Variants in ATXN2L observed in about 807,000 individuals in gnomAD.
ATXN2L encodes ataxin-2-like protein.
ATXN2L carries 24 observed loss-of-function variants against 120.7 expected under a neutral mutation model. The observed-to-expected ratio is 0.20, with a 90% confidence interval of 0.14 to 0.28. The LOEUF (loss-of-function observed/expected upper bound fraction) is 0.28. Ranked by LOEUF, ATXN2L falls within the 10% of genes least tolerant of loss-of-function variation. The pLI is 1.00. For missense variants in ATXN2L, 1,312 were observed against 1,432.3 expected, an observed-to-expected ratio of 0.92 and a Z score of 1.36; for synonymous variants, 653 against 568.1, an observed-to-expected ratio of 1.15 and a Z score of -2.13.
rs1959256986 is a variant in ATXN2L at position 28,834,590 on chromosome 16, C to A, written c.2330C>A (p.Pro777His). 2.5e-6 allele frequency: 4 copies of A among 1,613,568 alleles called. No homozygotes were observed. Among genetic ancestry groups the A allele is most frequent in the Non-Finnish European group, 3.4e-6 (4 of 1,179,942 alleles). The change falls in exon 18 of 22, where the codon CCT becomes CAT. Residue 777 changes from proline (P) to histidine (H), a missense_variant. Physicochemically the swap from Pro to His is moderately conservative, Grantham distance 77. Coordinates refer to ENST00000336783, the MANE Select transcript of ATXN2L (RefSeq NM_007245.4). ...MMQAAAAAGP[P>H]LVAATPYSSY... The stretch of plus-strand genomic sequence containing the variant: ...CAGGCCGCCGCGGCTGCTGGCCCGC[C>A]TCTGGTGGCTGCCACGCCCTATTCT...
At chr16:28,827,900 G>A (rs533200398) in intron 6 of ATXN2L, among the ~76,000 whole-genome samples, 9 of 152,258 alleles carry the variant, frequency 5.9e-5, no homozygotes, top group South Asian at 2.1e-4. Flanking sequence ...GCATCATAGC[G>A]AGACTATCTG....
At position 28,834,571 on chromosome 16, in the gene ATXN2L, G is replaced by T; in HGVS notation, c.2311G>T (p.Ala771Ser). 1.2e-6 allele frequency: 2 copies of T among 1,612,580 alleles called. No individual in the cohort carries two copies. The highest frequency in any genetic ancestry group is 1.7e-6 in the Non-Finnish European group (2 of 1,179,830). Reference sequence around the variant, plus strand: ...CTCAGCCCCGCCGATGATGCAGGCCGCCGCGGCTGCTGGCCCGCCTCTGGT... The same window carrying T: ...CTCAGCCCCGCCGATGATGCAGGCCTCCGCGGCTGCTGGCCCGCCTCTGGT... The part of the protein sequence containing the change: ...PASAPPMMQA[A>S]AAAGPPLVAA... The change falls in exon 18 of 22, where the codon GCC (alanine) becomes TCC (serine). Residue 771 changes from alanine to serine, a missense_variant. Transcript: ENST00000336783.
rs142953622 is a variant in ATXN2L, at chr16:28,826,267, C to G, written c.493C>G (p.Arg165Gly). 1 of 1,614,114 alleles carries G rather than the reference C, an allele frequency of 6.2e-7. No homozygotes were observed. Among genetic ancestry groups the G allele is most frequent in the Non-Finnish European group, 8.5e-7 (1 of 1,180,006 alleles). The part of the protein sequence containing the change: ...KFELAVDAVH[R>G]KASEPAGGPR... ...TGAACTAGCCGTGGATGCTGTGCAC[C>G]GGAAAGCATCTGAGCCAGCAGGTGG... Residue 165 changes from arginine (R) to glycine (G), a missense_variant, in exon 5 of 22, where the codon CGG becomes GGG. Coordinates refer to ENST00000336783, the MANE Select transcript of ATXN2L (RefSeq NM_007245.4).
chr16:28,824,718 C>CA, intron 1 of ATXN2L: 4 of 570,552 alleles, frequency 7.0e-6, no homozygotes, highest in Non-Finnish European at 1.0e-5. Context: ...TTTGCCCTCA[C>CA]AGCTGGCGTG....
intron 6 of ATXN2L, among the ~76,000 whole-genome samples, chr16:28,827,660 G>A (rs2151976861): frequency 6.6e-6 from 1 of 152,294 alleles, no homozygotes; most frequent in East Asian, 1.9e-4. Flanking sequence ...CCGATCACTT[G>A]AGCCCAGGAG....
intron 13 of ATXN2L, 30 bp from the exon 14 acceptor site, chr16:28,833,029 G>T (rs762726281): frequency 6.2e-6 from 10 of 1,609,670 alleles, no homozygotes; most frequent in Middle Eastern, 1.6e-4. Context: ...GTCTGGGTCA[G>T]ACTGGACTGT....
rs777965315 is a variant in ATXN2L, at chr16:28,832,252, C to T, written c.1369C>T (p.Pro457Ser). The change falls in exon 11 of 22, where the codon CCA (proline) becomes TCA (serine). Residue 457 changes from proline (P) to serine (S), a missense_variant. Pro to Ser is a moderately conservative substitution (Grantham distance 74). Coordinates refer to ENST00000336783, the MANE Select transcript of ATXN2L (RefSeq NM_007245.4). ...PRSPKSAAPA[P>S]ISASCPEPPI... is the part of the protein sequence containing the mutation. ...TTCTCCCAAGTCTGCTGCCCCTGCCCCAATCTCAGCTTCCTGTCCAGAGCC... is the reference window on the plus strand; with the variant it reads ...TTCTCCCAAGTCTGCTGCCCCTGCCTCAATCTCAGCTTCCTGTCCAGAGCC... 3 of 1,614,050 alleles carry T rather than the reference C, an allele frequency of 1.9e-6. No individual in the cohort carries two copies. Among genetic ancestry groups the T allele is most frequent in the East Asian group, 2.2e-5 (1 of 44,898 alleles).
At position 28,835,465 on chromosome 16, in the gene ATXN2L, G is replaced by GCT. The variant is rs1960144553; in HGVS notation, c.2685+67_2685+68dup. On this transcript the variant is annotated intron_variant, in intron 20 of 21. Coordinates refer to ENST00000336783, the MANE Select transcript of ATXN2L (RefSeq NM_007245.4). ...ATGGGTGGCCAGAAGAAGGGATAGA[G>GCT]CTAGGGGTCATTTCTGAGTGGCGAG... is the stretch of plus-strand genomic sequence containing the variant. 8 of 1,611,148 alleles carry GCT rather than the reference G, an allele frequency of 5.0e-6. No homozygotes were observed. In the South Asian group the frequency reaches 8.8e-5, roughly 18 times the overall value.
chr16:28,828,070 CGT>C (rs1192388142), intron 6 of ATXN2L, among the ~76,000 whole-genome samples: 11 of 152,280 alleles, frequency 7.2e-5, no homozygotes, highest in East Asian at 1.9e-4. Context: ...TACACACACA[CGT>C]GTACACAGCA....
intron 10 of ATXN2L, among the ~76,000 whole-genome samples, chr16:28,831,432 A>C (rs1178248405): frequency 6.6e-6 from 1 of 152,098 alleles, no homozygotes; most frequent in Non-Finnish European, 1.5e-5. Flanking sequence ...GATTCAAGCC[A>C]TTCTCCTGTC....
rs773548614 is a variant in ATXN2L at position 28,833,151 on chromosome 16, T to C, written c.1752T>C (p.Asp584=). ...EEPKGKEKEV[D]GLLTSEPMGS... ...CCAAAGGAAAGGAGAAAGAGGTTGA[T>C]GGTCTGTTGACTTCAGAGCCCATGG... Residue 584 remains aspartate, a synonymous_variant, in exon 14 of 22, where the codon GAT becomes GAC. Coordinates refer to ENST00000336783, the MANE Select transcript of ATXN2L (RefSeq NM_007245.4). 6.2e-7 allele frequency: 1 copy of C among 1,614,192 alleles called. No homozygotes were observed. The highest frequency in any genetic ancestry group is 8.5e-7 in the Non-Finnish European group (1 of 1,180,028).
At chr16:28,823,993 T>G in intron 1 of ATXN2L, 9 of 575,414 alleles carry the variant, frequency 1.6e-5, no homozygotes, top group Non-Finnish European at 2.0e-5. Context: ...CGGCCCACAG[T>G]TTGGCCAATG....
At position 28,834,394 on chromosome 16, in the gene ATXN2L, G is replaced by A. The variant is rs767907429; in HGVS notation, c.2224G>A (p.Gly742Ser). ...ATCCAATTCAGTGCCTGGGCAGCAG[G>A]GCAAGTACCGGGGAGCAAAAGGTGA... ...PVSNSVPGQQ[G>S]KYRGAKGSLP... Residue 742 changes from glycine (G) to serine (S), a missense_variant, in exon 17 of 22, where the codon GGC (glycine) becomes AGC (serine). Coordinates refer to ENST00000336783, the MANE Select transcript of ATXN2L (RefSeq NM_007245.4). The A allele has an allele frequency of 4.3e-6, 7 of 1,614,118 alleles. No individual in the cohort carries two copies. The South Asian group carries it at 5.5e-5, about 13-fold the overall frequency.
At chr16:28,827,177 T>TA (rs1290419112) in intron 6 of ATXN2L, among the ~76,000 whole-genome samples, 191 bp downstream of exon 6, 1 of 152,218 alleles carries the variant, frequency 6.6e-6, no homozygotes, top group Non-Finnish European at 1.5e-5. Flanking sequence ...CTCATGTTTG[T>TA]AATCCCAGCA....
intron 6 of ATXN2L, among the ~76,000 whole-genome samples, chr16:28,827,695 T>A (rs1451648286): frequency 1.3e-5 from 2 of 152,126 alleles, no homozygotes; most frequent in African/African-American, 4.8e-5. Context: ...AAGCTGAGAT[T>A]GTGCCACTGG....
Position 28,835,081 on chromosome 16 carries a change from G to T in ATXN2L, c.2457G>T (p.Gln819His), listed in dbSNP as rs1222591482. The T allele has an allele frequency of 1.9e-6, 3 of 1,613,492 alleles. No individual in the cohort carries two copies. Among genetic ancestry groups the T allele is most frequent in the South Asian group, 1.1e-5 (1 of 91,012 alleles). The change falls in exon 19 of 22, where the codon CAG becomes CAT. Residue 819 changes from glutamine to histidine, a missense_variant. Coordinates refer to ENST00000336783, the MANE Select transcript of ATXN2L (RefSeq NM_007245.4). ...PSQPVFAPML[Q>H]SNPRMLTSGS... ...AGCCGGTGTTTGCCCCCATGCTTCA[G>T]AGCAACCCACGCATGCTGACGTCGG...
intron 1 of ATXN2L, chr16:28,824,566 A>G (rs1483613834): frequency 4.7e-6 from 6 of 1,283,554 alleles, no homozygotes; most frequent in Non-Finnish European, 6.1e-6. Context: ...TGAATGAGTC[A>G]TGAGGTCGAG....
At position 28,836,399 on chromosome 16, in the gene ATXN2L, G is replaced by A. The variant is rs755564486; in HGVS notation, c.*134G>A. The A allele has an allele frequency of 2.2e-5, 36 of 1,612,960 alleles. No homozygotes were observed. Among genetic ancestry groups the A allele is most frequent in the African/African-American group, 6.7e-5 (5 of 74,692 alleles). On this transcript the variant is annotated 3_prime_UTR_variant, in exon 22 of 22. Coordinates refer to ENST00000336783, the MANE Select transcript of ATXN2L (RefSeq NM_007245.4). The stretch of plus-strand genomic sequence containing the variant: ...CTGGCTCTGTCCTTTGCTTCCCTCC[G>A]TCCTCGCTCAGTTGTGATCCAGCAG...
intron 10 of ATXN2L, 32 bp downstream of exon 10, chr16:28,831,104 G>A: frequency 7.0e-7 from 1 of 1,432,246 alleles, no homozygotes; most frequent in Non-Finnish European, 9.7e-7. Context: ...ATGAAGAAAT[G>A]GATGGAAATT....
Sources: allele counts gnomAD v4.1 joint callset (sites outside exome capture counted in the v4.1 genomes callset), GRCh38; gene constraint gnomAD v4.1.1; transcripts MANE v1.5; gene names NCBI Gene and HGNC (gene_info 2026-07-23, HGNC 2026-07-21).